FAM83E: variants seen among roughly 807,000 people sequenced by gnomAD.
FAM83E encodes protein FAM83E.
A neutral mutation model predicts 34.3 loss-of-function variants in FAM83E; 29 were observed. The observed-to-expected ratio is 0.85, with a 90% CI of 0.63 to 1.15. The LOEUF (loss-of-function observed/expected upper bound fraction) is 1.15. Ranked by LOEUF, FAM83E falls within the 50% of genes most tolerant of loss-of-function variation. The pLI, the probability that FAM83E is intolerant of heterozygous loss-of-function variation, is 0.00. For synonymous variants in FAM83E, 312 were observed against 311.6 expected (o/e 1.00, Z -0.01); for missense variants, 697 against 685.0 (o/e 1.02, Z -0.20).
chr19:48,605,531 C>T (rs921267328), intron 5 of FAM83E, among the ~76,000 whole-genome samples: 25 of 151,170 alleles, frequency 1.7e-4, no homozygotes, highest in African/African-American at 6.1e-4. Context: ...GCCAAGATCG[C>T]GCCACTGCAC....
chr19:48,614,650 A>G (rs1974112075), intron 2 of FAM83E, 23 bp from the exon 3 acceptor site: 3 of 977,844 alleles, frequency 3.1e-6, no homozygotes, highest in Non-Finnish European at 3.6e-6. Flanking sequence ...GAAAGGAGTC[A>G]AGGCAGGCCA....
Position 48,614,547 on chromosome 19 carries a change from C to G in FAM83E, c.-1175G>C. 1 of 986,072 alleles carries G rather than the reference C, an allele frequency of 1.0e-6. No individual in the cohort carries two copies. Among genetic ancestry groups the G allele is most frequent in the Non-Finnish European group, 1.2e-6 (1 of 830,446 alleles). 61.1% of individuals were successfully genotyped at this position (986,072 alleles called of 1,614,324 possible). A position where few individuals can be genotyped will look rare whatever the true frequency, so the allele number is the denominator to read the frequency against. On this transcript the variant is annotated 5_prime_UTR_variant, in exon 3 of 7. Coordinates refer to ENST00000263266, the MANE Select transcript of FAM83E (RefSeq NM_017708.4). ...TGACCCAACCTCGGGGACCCTGGACCCTTGATCCCTGCAAACCAGAAGCCC... is the reference window on the plus strand; with the variant it reads ...TGACCCAACCTCGGGGACCCTGGACGCTTGATCCCTGCAAACCAGAAGCCC...
chr19:48,612,766 A>C, intron 3 of FAM83E, 142 bp downstream of exon 3: 1 of 950,054 alleles, frequency 1.1e-6, no homozygotes, highest in Non-Finnish European at 1.5e-6. Flanking sequence ...CTGGGGCTGG[A>C]AGGTGTGCAC....
chr19:48,608,430 T>TCTTTTC (rs1233150733), intron 5 of FAM83E, among the ~76,000 whole-genome samples: 1 of 146,552 alleles, frequency 6.8e-6, no homozygotes, highest in African/African-American at 2.5e-5. Flanking sequence ...GTTTTCTTTT[T>TCTTTTC]CTTTTCCTTT....
rs752385934 is a variant in FAM83E at position 48,603,712 on chromosome 19, C to T, written c.958G>A (p.Val320Met). The change falls in exon 6 of 7, where the codon GTG becomes ATG. Residue 320 changes from valine to methionine, a missense_variant. Val to Met is a conservative substitution (Grantham distance 21, BLOSUM62 1). Transcript: ENST00000263266. ...GGCGGCGGAGGCGACGCGGGGGCCA[C>T]GGAGCGGCGGCGGGACACGCGGTGC... Reference protein sequence around the residue: ...SPHRVSRRRSVAPASPPPPDG... With the variant: ...SPHRVSRRRSMAPASPPPPDG... 1.8e-5 allele frequency: 26 copies of T among 1,406,764 alleles called. No individual in the cohort carries two copies. The highest frequency in any genetic ancestry group is 1.6e-4 in the East Asian group (5 of 32,126). 87.1% of individuals were successfully genotyped at this position (1,406,764 alleles called of 1,614,324 possible).
intron 6 of FAM83E, among the ~76,000 whole-genome samples, chr19:48,602,254 GGAGA>G (rs896790893): frequency 9.3e-5 from 14 of 151,058 alleles, no homozygotes; most frequent in African/African-American, 3.2e-4. Context: ...GAGCCAGGAA[GGAGA>G]GAGAGGAGAC....
At chr19:48,601,626 G>A (rs1298950834) in intron 6 of FAM83E, among the ~76,000 whole-genome samples, 2 of 152,052 alleles carry the variant, frequency 1.3e-5, no homozygotes, top group African/African-American at 4.8e-5. Flanking sequence ...TTAGCCTGAG[G>A]TGGTGGTGGG....
chr19:48,603,765 A>G lies in FAM83E; in HGVS notation c.905T>C (p.Ile302Thr), dbSNP rs1973877356. 3.2e-6 allele frequency: 5 copies of G among 1,582,986 alleles called. No homozygotes were observed. Among genetic ancestry groups the G allele is most frequent in the South Asian group, 1.1e-5 (1 of 87,618 alleles). Residue 302 changes from isoleucine to threonine, a missense_variant, in exon 6 of 7, where the codon ATA (isoleucine) becomes ACA (threonine). Physicochemically the swap from Ile to Thr is moderately conservative, Grantham distance 89. Coordinates refer to ENST00000263266, the MANE Select transcript of FAM83E (RefSeq NM_017708.4). ...PPAPPQKPSV[I>T]GGLQRGRSPH... ...GCTGCGGCCCCGCTGCAGGCCACCT[A>G]TGACCGAGGGTTTCTGGGGGGGCGC...
At chr19:48,609,266 T>A (rs1973993527) in intron 5 of FAM83E, among the ~76,000 whole-genome samples, 1 of 20,508 alleles carries the variant, frequency 4.9e-5, no homozygotes. Flanking sequence ...TCTTTCTTTC[T>A]TTTTTTTTTT....
chr19:48,610,880 A>T (rs1436431058), intron 3 of FAM83E, 33 bp from the exon 4 acceptor site: 1 of 1,568,164 alleles, frequency 6.4e-7, no homozygotes, highest in African/African-American at 1.4e-5. Flanking sequence ...TGGGCTTGTG[A>T]ACGGAAGCTG....
intron 6 of FAM83E, 80 bp from the exon 7 acceptor site, chr19:48,601,449 G>GTC: frequency 6.6e-7 from 1 of 1,519,712 alleles, no homozygotes; most frequent in Non-Finnish European, 8.8e-7. Context: ...AAGGCAGGAG[G>GTC]TGAGGCAAGA....
chr19:48,606,975 C>T (rs545086675), intron 5 of FAM83E: 9 of 1,602,632 alleles, frequency 5.6e-6, no homozygotes, highest in African/African-American at 4.0e-5. Context: ...GCCGCCAGGC[C>T]GCCATGGTCC....
At chr19:48,607,224 C>T in intron 5 of FAM83E, 1 of 1,612,792 alleles carries the variant, frequency 6.2e-7, no homozygotes, top group Non-Finnish European at 8.5e-7. Flanking sequence ...ACAGGGGCGT[C>T]ACCTACAGCC....
chr19:48,611,427 C>G (rs2147648337), intron 3 of FAM83E, among the ~76,000 whole-genome samples: 1 of 152,178 alleles, frequency 6.6e-6, no homozygotes, highest in East Asian at 1.9e-4. Flanking sequence ...CTCAGCCTCC[C>G]AAAGTGCTAG....
chr19:48,609,122 T>G (rs1299860949), intron 5 of FAM83E, among the ~76,000 whole-genome samples: 2 of 152,052 alleles, frequency 1.3e-5, no homozygotes, highest in African/African-American at 4.8e-5. Context: ...TGAAGTAAGT[T>G]GCCTGAAGTC....
chr19:48,611,628 C>T (rs745845811), intron 3 of FAM83E, among the ~76,000 whole-genome samples: 49 of 152,266 alleles, frequency 3.2e-4, no homozygotes, highest in African/African-American at 1.1e-3. Context: ...CCACCACGCC[C>T]GGCTAATTTT....
rs1009585904 is a variant in FAM83E, at chr19:48,613,879, A to G, written c.-507T>C. The G allele has an allele frequency of 1.0e-6, 1 of 985,176 alleles. No individual in the cohort carries two copies. Among genetic ancestry groups the G allele is most frequent in the Non-Finnish European group, 1.2e-6 (1 of 829,880 alleles). The allele number at this position is 985,176 out of a possible 1,614,324, so 61.0% of individuals were successfully genotyped here. ...CTGCCTGCCTGTCTCTAATCACCCA[A>G]AGGTCCTTAAAGGCACGACAGGTTG... On this transcript the variant is annotated 5_prime_UTR_variant, in exon 3 of 7. Coordinates refer to ENST00000263266, the MANE Select transcript of FAM83E (RefSeq NM_017708.4).
Position 48,613,046 on chromosome 19 carries a change from C to T in FAM83E, c.327G>A (p.Ala109=), listed in dbSNP as rs927150306. Residue 109 remains alanine (A), a synonymous_variant, in exon 3 of 7, where the codon GCG becomes GCA. Transcript: ENST00000263266. The stretch of plus-strand genomic sequence containing the variant: ...CTGGCCAGCCCAGCCGCAGGACGGG[C>T]GCCGGCTGCTCCGACTGCCCAGGCC... ...SYWPGQSEQP[A]PVLRLGWPVD... is the part of the protein sequence containing the mutation. 7.5e-6 allele frequency: 12 copies of T among 1,602,480 alleles called. No individual in the cohort carries two copies. The highest frequency in any genetic ancestry group is 1.7e-5 in the Admixed American group (1 of 58,088).
At chr19:48,614,662 C>A (rs1013358609) in intron 2 of FAM83E, 35 bp from the exon 3 acceptor site, 27 of 985,800 alleles carry the variant, frequency 2.7e-5, no homozygotes, top group Middle Eastern at 1.0e-3. Context: ...GGCAGGCCAG[C>A]CTCCCCGCCC....
Sources: allele counts gnomAD v4.1 joint callset (sites outside exome capture counted in the v4.1 genomes callset), GRCh38; gene constraint gnomAD v4.1.1; transcripts MANE v1.5; gene names NCBI Gene and HGNC (gene_info 2026-07-23, HGNC 2026-07-21).